Variants in BABAM2 observed in about 807,000 individuals in gnomAD.
BABAM2 encodes the protein BRISC and BRCA1 A complex member 2, also known as BRISC and BRCA1-A complex member 2.
BABAM2 carries 31 observed loss-of-function variants against 54.7 expected under a neutral mutation model. The observed-to-expected ratio is 0.57, with a 90% CI of 0.43 to 0.77. The LOEUF (loss-of-function observed/expected upper bound fraction) is 0.77, where lower values mean the gene tolerates loss of function less well. Ranked by LOEUF, BABAM2 falls within the 30% of genes least tolerant of loss-of-function variation. The probability of loss-of-function intolerance (pLI) is 0.00; values close to 1 mark genes in which losing one functional copy is unlikely to be tolerated. For missense variants in BABAM2, 364 were observed against 455.8 expected, an observed-to-expected ratio of 0.80 and a Z score of 1.83; for synonymous variants, 167 against 162.9, an observed-to-expected ratio of 1.03 and a Z score of -0.19.
chr2:27,954,243 G>C (rs930093329), intron 3 of BABAM2, among the ~76,000 whole-genome samples: 1 of 152,302 alleles, frequency 6.6e-6, no homozygotes, highest in African/African-American at 2.4e-5. Flanking sequence ...CTCATCAATA[G>C]GGGCGGCAAA....
At chr2:28,080,017 CA>C (rs1665026866) in intron 6 of BABAM2, among the ~76,000 whole-genome samples, 1 of 152,094 alleles carries the variant, frequency 6.6e-6, no homozygotes, top group African/African-American at 2.4e-5. Flanking sequence ...CACTGTTTTG[CA>C]CAGTGAATTC....
chr2:28,056,227 T>C (rs1229109037), intron 6 of BABAM2, among the ~76,000 whole-genome samples: 3 of 152,110 alleles, frequency 2.0e-5, no homozygotes, highest in Non-Finnish European at 4.4e-5. Context: ...TTGTACCATA[T>C]ATGGAATTCA....
chr2:28,040,955 C>CT (rs1485895420), intron 5 of BABAM2, among the ~76,000 whole-genome samples: 2 of 152,078 alleles, frequency 1.3e-5, no homozygotes, highest in African/African-American at 4.8e-5. Context: ...TAGGGATCAT[C>CT]TAAGAGTTTT....
At chr2:28,122,171 G>A (rs1298405367) in intron 6 of BABAM2, among the ~76,000 whole-genome samples, 1 of 152,080 alleles carries the variant, frequency 6.6e-6, no homozygotes, top group Non-Finnish European at 1.5e-5. Context: ...AGCCGAGATT[G>A]CACCACTGCA....
chr2:28,142,496 T>C (rs930597555), intron 7 of BABAM2, among the ~76,000 whole-genome samples: 5 of 152,120 alleles, frequency 3.3e-5, no homozygotes, highest in Non-Finnish European at 5.9e-5. Context: ...ACTGACAACC[T>C]TTTTTTCCCT....
At chr2:27,954,996 G>C (rs766289907) in intron 3 of BABAM2, among the ~76,000 whole-genome samples, 19 of 152,180 alleles carry the variant, frequency 1.2e-4, no homozygotes, top group Non-Finnish European at 2.6e-4. Flanking sequence ...TTTAACACAT[G>C]TGAGGAAACC....
chr2:27,894,617 G>A lies in BABAM2; in HGVS notation c.61G>A (p.Val21Met), dbSNP rs1445947949. The A allele has an allele frequency of 5.6e-6, 9 of 1,613,984 alleles. No individual in the cohort carries two copies. The highest frequency in any genetic ancestry group is 3.3e-5 in the South Asian group (3 of 91,076). Residue 21 changes from valine (V) to methionine (M), a missense_variant, in exon 2 of 12, where the codon GTG becomes ATG. Transcript: ENST00000379624. Reference protein sequence around the residue: ...SPMLSPFISSVVRNGKVGLDA... With the variant: ...SPMLSPFISSMVRNGKVGLDA... The stretch of plus-strand genomic sequence containing the variant: ...AATGCTCTCCCCTTTCATATCTAGC[G>A]TGGTCCGGAATGGAAAAGTGGGACT...
chr2:28,310,294 C>T (rs1688959280), intron 11 of BABAM2: 2 of 825,288 alleles, frequency 2.4e-6, no homozygotes, highest in Middle Eastern at 2.8e-4. Context: ...TCAGCCTGTG[C>T]AGACCAGGCT....
chr2:28,255,186 C>T (rs771859778), intron 10 of BABAM2, among the ~76,000 whole-genome samples: 136 of 152,126 alleles, frequency 8.9e-4, no homozygotes, highest in Non-Finnish European at 1.4e-3. Context: ...AATCAGGATC[C>T]GAACAAGTAA....
intron 11 of BABAM2, among the ~76,000 whole-genome samples, chr2:28,317,719 G>A (rs1261125914): frequency 6.6e-6 from 1 of 152,206 alleles, no homozygotes; most frequent in African/African-American, 2.4e-5. Flanking sequence ...TACTGTTAGA[G>A]GTTTGACTAG....
At chr2:28,181,415 A>G (rs987882407) in intron 7 of BABAM2, among the ~76,000 whole-genome samples, 1 of 152,246 alleles carries the variant, frequency 6.6e-6, no homozygotes, top group Non-Finnish European at 1.5e-5. Context: ...GTGGGAGCTA[A>G]CAAAGTTAAT....
intron 2 of BABAM2, among the ~76,000 whole-genome samples, chr2:27,928,307 C>A (rs1232994400): frequency 2.6e-5 from 4 of 152,068 alleles, no homozygotes. Flanking sequence ...AGCCACCGCG[C>A]CTGGCCTAAT....
intron 7 of BABAM2, among the ~76,000 whole-genome samples, chr2:28,158,094 A>G (rs1047367338): frequency 2.6e-5 from 4 of 152,246 alleles, no homozygotes; most frequent in Admixed American, 6.5e-5. Context: ...CACAAATATA[A>G]TAAAAAGTTA....
rs559885026 is a variant in BABAM2, at chr2:27,986,456, G to A, written c.206-1537G>A. ...TGTATGGACTAGGTGATCTGGGCCT[G>A]GAAGGGGCTGTTAACAGTAGGAAAA... is the stretch of plus-strand genomic sequence containing the variant. On this transcript the variant is annotated intron_variant, in intron 3 of 11. Coordinates refer to ENST00000379624, the MANE Select transcript of BABAM2 (RefSeq NM_199191.3). Among the ~76,000 whole-genome samples, 281 of 152,188 alleles carry A rather than the reference G, an allele frequency of 1.8e-3. 1 individual carries two copies. The highest frequency in any genetic ancestry group is 6.7e-3 in the African/African-American group (277 of 41,540).
At chr2:28,026,800 T>TATA (rs1475600265) in intron 5 of BABAM2, among the ~76,000 whole-genome samples, 2 of 91,314 alleles carry the variant, frequency 2.2e-5, no homozygotes, top group African/African-American at 9.9e-5. Flanking sequence ...TATATTTATA[T>TATA]AAAAAATATA....
intron 10 of BABAM2, among the ~76,000 whole-genome samples, chr2:28,291,885 G>A (rs190675417): frequency 6.6e-6 from 1 of 152,360 alleles, no homozygotes; most frequent in African/African-American, 2.4e-5. Context: ...GTAAGATCGT[G>A]GTTGCTCGGT....
intron 11 of BABAM2, chr2:28,309,240 G>A (rs1029575599): frequency 3.3e-5 from 5 of 152,226 alleles, no homozygotes; most frequent in Non-Finnish European, 4.4e-5. Flanking sequence ...TAGAGGCTGC[G>A]TGCGTCCTCT....
chr2:28,121,829 T>A, intron 6 of BABAM2, among the ~76,000 whole-genome samples: 2 of 152,238 alleles, frequency 1.3e-5, no homozygotes, highest in South Asian at 4.1e-4. Context: ...TTTATATAAT[T>A]TGATGGATAT....
At chr2:28,136,200 A>G (rs1259939182) in intron 7 of BABAM2, among the ~76,000 whole-genome samples, 1 of 152,150 alleles carries the variant, frequency 6.6e-6, no homozygotes, top group African/African-American at 2.4e-5. Flanking sequence ...CCTCCCCCAC[A>G]GGGTCCGTTA....
Sources: gnomAD v4.1 joint callset for allele counts (sites outside exome capture counted in the v4.1 genomes callset) on GRCh38, gnomAD v4.1.1 for gene constraint, MANE v1.5 for transcripts, NCBI Gene and HGNC (gene_info 2026-07-23, HGNC 2026-07-21) for gene names.